The following TAFA5 variants were observed in gnomAD, a reference collection of about 807,000 sequenced individuals.
TAFA5 encodes chemokine-like protein TAFA-5.
A neutral mutation model predicts 15.3 loss-of-function variants in TAFA5; 6 were observed. That is an observed-to-expected ratio of 0.39 (90% CI 0.21 to 0.77). The LOEUF is 0.77. TAFA5 is among the 30% of genes least tolerant of loss of function. The probability of loss-of-function intolerance (pLI) is 0.41; values close to 1 mark genes in which losing one functional copy is unlikely to be tolerated. For missense variants in TAFA5, 161 were observed against 193.1 expected, an observed-to-expected ratio of 0.83 and a Z score of 0.98; for synonymous variants, 103 against 80.7, an observed-to-expected ratio of 1.28 and a Z score of -1.48.
At chr22:48,575,407 C>T (rs1473127980) in intron 1 of TAFA5, among the ~76,000 whole-genome samples, 1 of 146,904 alleles carries the variant, frequency 6.8e-6, no homozygotes, top group Non-Finnish European at 1.5e-5. Flanking sequence ...CGGGCGCGGG[C>T]CGGAGTCCGA....
At chr22:48,693,708 T>G (rs983147143) in intron 2 of TAFA5, among the ~76,000 whole-genome samples, 1 of 151,996 alleles carries the variant, frequency 6.6e-6, no homozygotes, top group African/African-American at 2.4e-5. Flanking sequence ...TCATTCCTAC[T>G]CTCTCTCAGT....
chr22:48,493,622 A>T (rs1340280005), intron 1 of TAFA5, among the ~76,000 whole-genome samples: 1 of 152,104 alleles, frequency 6.6e-6, no homozygotes, highest in African/African-American at 2.4e-5. Flanking sequence ...AAAAATTCTC[A>T]CTGTGTTTTT....
At chr22:48,648,751 C>T (rs780804833) in intron 2 of TAFA5, among the ~76,000 whole-genome samples, 8 of 152,146 alleles carry the variant, frequency 5.3e-5, no homozygotes, top group Non-Finnish European at 7.4e-5. Context: ...TTGTTTGAAC[C>T]CGGGAGGCGG....
chr22:48,675,685 C>T (rs1569074725), intron 2 of TAFA5, among the ~76,000 whole-genome samples: 1 of 152,292 alleles, frequency 6.6e-6, no homozygotes, highest in Non-Finnish European at 1.5e-5. Flanking sequence ...CTTCCCTCTG[C>T]AGTCTCCAAG....
intron 3 of TAFA5, among the ~76,000 whole-genome samples, chr22:48,730,557 CA>C (rs1221126125): frequency 6.6e-6 from 1 of 152,204 alleles, no homozygotes; most frequent in Non-Finnish European, 1.5e-5. Flanking sequence ...TGCCTTGAAC[CA>C]GTCTGACAGC....
intron 2 of TAFA5, among the ~76,000 whole-genome samples, chr22:48,674,866 TTG>T (rs991724272): frequency 1.3e-5 from 2 of 152,150 alleles, no homozygotes; most frequent in African/African-American, 4.8e-5. Flanking sequence ...TGTGGCTGCT[TTG>T]TGTCACAGTG....
chr22:48,495,625 G>A (rs1329322082), intron 1 of TAFA5, among the ~76,000 whole-genome samples: 1 of 152,102 alleles, frequency 6.6e-6, no homozygotes, highest in African/African-American at 2.4e-5. Flanking sequence ...ATGTCCATTC[G>A]TTGTCCCAAA....
chr22:48,687,079 A>G (rs1928385012), intron 2 of TAFA5, among the ~76,000 whole-genome samples: 1 of 150,708 alleles, frequency 6.6e-6, no homozygotes, highest in Admixed American at 6.6e-5. Flanking sequence ...GAATGGGTGG[A>G]TGGATGGATG....
intron 2 of TAFA5, among the ~76,000 whole-genome samples, chr22:48,699,882 G>A (rs1293411458): frequency 6.6e-6 from 1 of 152,164 alleles, no homozygotes; most frequent in East Asian, 1.9e-4. Flanking sequence ...GTGTGGCCCT[G>A]GGTGCACCAC....
intron 1 of TAFA5, among the ~76,000 whole-genome samples, chr22:48,576,040 C>CCCCCCCGGGGCCGCGCCGGA (rs1923774073): frequency 1.4e-4 from 3 of 20,902 alleles, no homozygotes; most frequent in Non-Finnish European, 4.0e-4. Context: ...CCGCGCCGGA[C>CCCCCCCGGGGCCGCGCCGGA]CCCCCCCCCC....
rs1036335270 is a variant in TAFA5, at chr22:48,742,015, G to A, written c.391-7824G>A. Among the ~76,000 whole-genome samples the A allele has an allele frequency of 1.3e-5, 2 of 152,226 alleles. No individual in the cohort carries two copies. The highest frequency in any genetic ancestry group is 2.9e-5 in the Non-Finnish European group (2 of 68,026). Reference sequence around the variant, plus strand: ...TTTGTTAAGAACCCCATGGTTGGGGGTAAACACTGTTCCTATCCCGTGTTA... The same window carrying A: ...TTTGTTAAGAACCCCATGGTTGGGGATAAACACTGTTCCTATCCCGTGTTA... On this transcript the variant is annotated intron_variant, in intron 3 of 3. Coordinates refer to ENST00000402357, the MANE Select transcript of TAFA5 (RefSeq NM_001082967.3). This position sits in a 1 kb window ranked among gnomAD's most constrained non-coding sequence, Gnocchi z 6.2.
intron 1 of TAFA5, among the ~76,000 whole-genome samples, chr22:48,500,741 G>A (rs756176616): frequency 5.3e-5 from 8 of 152,236 alleles, no homozygotes; most frequent in African/African-American, 1.7e-4. Context: ...GGCTGACATC[G>A]CACTGTGTCC....
At chr22:48,674,269 C>T (rs16999687) in intron 2 of TAFA5, among the ~76,000 whole-genome samples, 18,525 of 152,200 alleles carry the variant, frequency 0.12, 1,578 homozygotes, top group African/African-American at 0.23. Flanking sequence ...CACATTTGGG[C>T]CTCCGGCATT....
intron 1 of TAFA5, among the ~76,000 whole-genome samples, chr22:48,514,862 G>T (rs930272691): frequency 6.6e-6 from 1 of 152,256 alleles, no homozygotes; most frequent in African/African-American, 2.4e-5. Flanking sequence ...CTGACACCAG[G>T]GTGGGTGGCG....
intron 1 of TAFA5, among the ~76,000 whole-genome samples, chr22:48,644,215 C>T (rs1294965010): frequency 6.6e-6 from 1 of 152,166 alleles, no homozygotes; most frequent in Non-Finnish European, 1.5e-5. Context: ...CCACAGCCTT[C>T]GGGGAGGGGG....
At chr22:48,633,552 C>CTCCA (rs1555894482) in intron 1 of TAFA5, among the ~76,000 whole-genome samples, 20 of 150,514 alleles carry the variant, frequency 1.3e-4, no homozygotes, top group African/African-American at 5.0e-4. Flanking sequence ...CTCTCTCTCT[C>CTCCA]TCTCTCCATC....
intron 1 of TAFA5, among the ~76,000 whole-genome samples, chr22:48,578,222 ACT>A (rs1334394796): frequency 6.6e-6 from 1 of 152,128 alleles, no homozygotes; most frequent in African/African-American, 2.4e-5. Flanking sequence ...GCATCCTGAC[ACT>A]CTGTGATGAA....
chr22:48,733,615 A>G (rs1412785616), intron 3 of TAFA5, among the ~76,000 whole-genome samples: 1 of 152,232 alleles, frequency 6.6e-6, no homozygotes, highest in Admixed American at 6.5e-5. Flanking sequence ...TGCCTTGGAA[A>G]CTAATAAGAT....
chr22:48,540,873 A>AG (rs1922343622), intron 1 of TAFA5, among the ~76,000 whole-genome samples: 1 of 97,896 alleles, frequency 1.0e-5, no homozygotes, highest in Non-Finnish European at 2.4e-5. Flanking sequence ...TTTCATTGAC[A>AG]GTAAAAAAAA....
Sources: allele counts gnomAD v4.1 joint callset (sites outside exome capture counted in the v4.1 genomes callset), GRCh38; gene constraint gnomAD v4.1.1; non-coding constraint Gnocchi (gnomAD v3.1); transcripts MANE v1.5; gene names NCBI Gene and HGNC (gene_info 2026-07-23, HGNC 2026-07-21).